Variants in ITGAD observed in about 807,000 individuals in gnomAD.
ITGAD encodes integrin alpha-D.
A neutral mutation model predicts 139.0 loss-of-function variants in ITGAD; 105 were observed. The ratio of observed to expected loss-of-function variants is 0.76; its 90% CI spans 0.65 to 0.89. The LOEUF (loss-of-function observed/expected upper bound fraction) is 0.89, where lower values mean the gene tolerates loss of function less well. Among genes scored for constraint, ITGAD ranks in the 40% least tolerant of loss-of-function variants. ITGAD has a pLI of 0.00. For synonymous variants in ITGAD, 569 were observed against 598.3 expected, an observed-to-expected ratio of 0.95 and a Z score of 0.71; for missense variants, 1,384 against 1,487.3, an observed-to-expected ratio of 0.93 and a Z score of 1.14.
chr16:31,398,224 C>T (rs2081320066), intron 5 of ITGAD, among the ~76,000 whole-genome samples: 2 of 151,928 alleles, frequency 1.3e-5, no homozygotes, highest in South Asian at 4.2e-4. Flanking sequence ...CGAGACCAGC[C>T]TGGCCAATGT....
intron 23 of ITGAD, among the ~76,000 whole-genome samples, chr16:31,421,841 T>C (rs963762263): frequency 5.0e-4 from 76 of 152,276 alleles, no homozygotes; most frequent in African/African-American, 1.7e-3. Context: ...GTCATCAGGC[T>C]GATGGGGGGT....
chr16:31,403,849 C>T lies in ITGAD; in HGVS notation c.704+204C>T. The T allele has an allele frequency of 1.7e-6, 1 of 595,796 alleles. No homozygotes were observed. Among genetic ancestry groups the T allele is most frequent in the Non-Finnish European group, 2.9e-6 (1 of 341,180 alleles). The allele number at this position is 595,796 out of a possible 1,614,324, so 36.9% of individuals were successfully genotyped here. A position where few individuals can be genotyped will look rare whatever the true frequency, so the allele number is the denominator to read the frequency against. On this transcript the variant is annotated intron_variant, in intron 7 of 29. Coordinates refer to ENST00000389202, the MANE Select transcript of ITGAD (RefSeq NM_005353.3). This position sits in a 1 kb window ranked among gnomAD's most constrained non-coding sequence, Gnocchi z 4.4. ...CTCCCTGATATAGGACTAGGCTCCTCTGCAGCTATGCCTCCCCTTTGCCTG... is the reference window on the plus strand; with the variant it reads ...CTCCCTGATATAGGACTAGGCTCCTTTGCAGCTATGCCTCCCCTTTGCCTG...
At chr16:31,406,128 G>GC (rs1279224195) in intron 7 of ITGAD, among the ~76,000 whole-genome samples, 1 of 151,762 alleles carries the variant, frequency 6.6e-6, no homozygotes, top group African/African-American at 2.4e-5. Flanking sequence ...AGGCTGGAGT[G>GC]CAACGGCATG....
In ITGAD at chr16:31,421,879, T is replaced by C. The variant is rs1448337922; in HGVS notation, c.2781-1235T>C. On this transcript the variant is annotated intron_variant, in intron 23 of 29. Coordinates refer to ENST00000389202, the MANE Select transcript of ITGAD (RefSeq NM_005353.3). ...ACTGCTGGGGCTGTTTCTGTGTGGC[T>C]GGTCTGGCTGCTGCATGCGAGGTGC... 3.3e-5 allele frequency among the ~76,000 whole-genome samples: 5 copies of C among 152,274 alleles called. No homozygotes were observed. In the East Asian group the frequency reaches 9.7e-4, roughly 29 times the overall value.
At chr16:31,416,421 A>G (rs2081887360) in intron 19 of ITGAD, 84 bp from the exon 20 acceptor site, 1 of 1,543,942 alleles carries the variant, frequency 6.5e-7, no homozygotes, top group Non-Finnish European at 8.9e-7. Flanking sequence ...AGAGCTCCAG[A>G]GTTCCTGGGA....
intron 5 of ITGAD, among the ~76,000 whole-genome samples, chr16:31,398,474 C>A (rs1192108251): frequency 1.3e-5 from 2 of 150,620 alleles, no homozygotes; most frequent in African/African-American, 4.9e-5. Flanking sequence ...AGGCTGCATG[C>A]ACCACCACAC....
At position 31,424,109 on chromosome 16, in the gene ITGAD, A is replaced by G. The variant is rs1168467950; in HGVS notation, c.3167A>G (p.Gln1056Arg). ...CCCCCAACCCCTTTGCAGACATTGC[A>G]GAAGAAGGTGTTGGTCGTGAGTGTG... Reference protein sequence around the residue: ...LSFGWVRETLQKKVLVVSVAE... With the variant: ...LSFGWVRETLRKKVLVVSVAE... The change falls in exon 28 of 30, where the codon CAG becomes CGG. Residue 1056 changes from glutamine to arginine, a missense_variant. Coordinates refer to ENST00000389202, the MANE Select transcript of ITGAD (RefSeq NM_005353.3). 1.2e-6 allele frequency: 2 copies of G among 1,613,844 alleles called. No homozygotes were observed. The highest frequency in any genetic ancestry group is 1.7e-6 in the Non-Finnish European group (2 of 1,179,776).
intron 7 of ITGAD, among the ~76,000 whole-genome samples, chr16:31,405,766 C>T (rs1005465965): frequency 6.6e-6 from 1 of 151,700 alleles, no homozygotes; most frequent in Non-Finnish European, 1.5e-5. Context: ...CTCAGCCTCC[C>T]GAGTTGGGAT....
intron 23 of ITGAD, among the ~76,000 whole-genome samples, chr16:31,419,812 C>CAAAAAAAAAAAAAAAAAAAAAA (rs1202333629): frequency 1.7e-5 from 1 of 58,228 alleles, no homozygotes; most frequent in Non-Finnish European, 3.8e-5. Flanking sequence ...GGCTCTGTCT[C>CAAAAAAAAAAAAAAAAAAAAAA]AAAAAAAAAA....
intron 1 of ITGAD, 135 bp downstream of exon 1, chr16:31,393,526 C>T (rs1050570169): frequency 1.9e-5 from 17 of 898,634 alleles, no homozygotes; most frequent in African/African-American, 3.3e-5. Context: ...GCTTCATGTG[C>T]GAGTGGCCCG....
rs760064628 is a variant in ITGAD at position 31,403,675 on chromosome 16, G to C, written c.704+30G>C. On this transcript the variant is annotated intron_variant, in intron 7 of 29. Transcript: ENST00000389202. The surrounding 1 kb of genome is among the most constrained non-coding windows in gnomAD (Gnocchi z 4.4). Reference sequence around the variant, plus strand: ...GCAACCCCGACCCCAGCCTGGCGATGTGACTGCCACCCCCACTTCCTAACC... The same window carrying C: ...GCAACCCCGACCCCAGCCTGGCGATCTGACTGCCACCCCCACTTCCTAACC... The C allele has an allele frequency of 6.2e-7, 1 of 1,613,460 alleles. No individual in the cohort carries two copies.
At chr16:31,407,397 C>A in intron 7 of ITGAD, 118 bp from the exon 8 acceptor site, 1 of 957,800 alleles carries the variant, frequency 1.0e-6, no homozygotes, top group South Asian at 1.9e-5. Flanking sequence ...CTTAACATGC[C>A]TGATAGAATG....
At position 31,398,913 on chromosome 16, in the gene ITGAD, T is replaced by A. The variant is rs115227877; in HGVS notation, c.427+1004T>A. 6.8e-3 allele frequency among the ~76,000 whole-genome samples: 1,036 copies of A among 152,214 alleles called. 16 individuals carry two copies. The highest frequency in any genetic ancestry group is 0.024 in the African/African-American group (999 of 41,510). ...TTTCAGAGGAAGGACCTTAGTGTGGTAAAGAACGTGGTGAGGAAGATAAAT... is the reference window on the plus strand; with the variant it reads ...TTTCAGAGGAAGGACCTTAGTGTGGAAAAGAACGTGGTGAGGAAGATAAAT... On this transcript the variant is annotated intron_variant, in intron 5 of 29. Transcript: ENST00000389202.
Position 31,424,096 on chromosome 16 carries a change from T to C in ITGAD, c.3160-6T>C, listed in dbSNP as rs773821133. On this transcript the variant is annotated splice_region_variant and splice_polypyrimidine_tract_variant and intron_variant, in intron 27 of 29. Coordinates refer to ENST00000389202, the MANE Select transcript of ITGAD (RefSeq NM_005353.3). ...GTTCCACAGGTTTCCCCCAACCCCT[T>C]TGCAGACATTGCAGAAGAAGGTGTT... 4 of 1,614,188 alleles carry C rather than the reference T, an allele frequency of 2.5e-6. No individual in the cohort carries two copies. Among genetic ancestry groups the C allele is most frequent in the Non-Finnish European group, 3.4e-6 (4 of 1,180,012 alleles).
chr16:31,395,160 T>A (rs1310854485), intron 2 of ITGAD, among the ~76,000 whole-genome samples: 6 of 151,726 alleles, frequency 4.0e-5, no homozygotes, highest in Non-Finnish European at 4.4e-5. Context: ...CTACTAAAAA[T>A]GCAAAAAAAA....
intron 23 of ITGAD, among the ~76,000 whole-genome samples, chr16:31,420,231 T>G: frequency 6.6e-6 from 1 of 152,092 alleles, no homozygotes; most frequent in Non-Finnish European, 1.5e-5. Flanking sequence ...TGGGAAGGTC[T>G]CTTAAGAGCC....
intron 1 of ITGAD, 38 bp downstream of exon 1, chr16:31,393,429 A>G: frequency 1.2e-6 from 2 of 1,611,418 alleles, no homozygotes; most frequent in Non-Finnish European, 1.7e-6. Flanking sequence ...AGCTTGGAGG[A>G]GTTCTGAGGG....
At chr16:31,410,367 GC>G in intron 10 of ITGAD, 27 bp from the exon 11 acceptor site, 1 of 1,613,724 alleles carries the variant, frequency 6.2e-7, no homozygotes, top group Non-Finnish European at 8.5e-7. Flanking sequence ...TCTAGTCTCT[GC>G]CCAGCCCTGG....
chr16:31,397,133 T>C (rs1181371893), intron 2 of ITGAD, among the ~76,000 whole-genome samples: 1 of 136,346 alleles, frequency 7.3e-6, no homozygotes, highest in Non-Finnish European at 1.5e-5. Context: ...AATACACACA[T>C]ACGTACTTAT....
Sources: allele counts gnomAD v4.1 joint callset (sites outside exome capture counted in the v4.1 genomes callset), GRCh38; gene constraint gnomAD v4.1.1; non-coding constraint Gnocchi (gnomAD v3.1); transcripts MANE v1.5; gene names NCBI Gene and HGNC (gene_info 2026-07-23, HGNC 2026-07-21).